Variants in PRKCE observed in about 807,000 individuals in gnomAD.
PRKCE encodes the protein protein kinase C epsilon type.
PRKCE carries 16 observed loss-of-function variants against 85.4 expected under a neutral mutation model. The observed-to-expected ratio is 0.19, with a 90% CI of 0.13 to 0.28. The LOEUF (loss-of-function observed/expected upper bound fraction) is 0.28, where lower values mean the gene tolerates loss of function less well. PRKCE is among the 10% of genes least tolerant of loss of function. The pLI, the probability that PRKCE is intolerant of heterozygous loss-of-function variation, is 1.00. For missense variants in PRKCE, 573 were observed against 975.2 expected (o/e 0.59, Z 5.49); for synonymous variants, 388 against 371.5 (o/e 1.04, Z -0.51).
intron 1 of PRKCE, among the ~76,000 whole-genome samples, chr2:45,769,790 A>C (rs1215137126): frequency 6.6e-6 from 1 of 152,232 alleles, no homozygotes; most frequent in African/African-American, 2.4e-5. Context: ...TAACCTGTGG[A>C]TGTTTAGCCT....
intron 1 of PRKCE, among the ~76,000 whole-genome samples, chr2:45,796,431 T>C (rs931336598): frequency 1.3e-5 from 2 of 152,252 alleles, no homozygotes; most frequent in Admixed American, 1.3e-4. Context: ...ATGAGAACAA[T>C]GCTTGGTGTA....
At position 46,170,543 on chromosome 2, in the gene PRKCE, T is replaced by C. The variant is rs373338467; in HGVS notation, c.2067+10791T>C. ...CATCCCCAGCAGTTAGAACAATTCCTGGCACATAGTAGGTATTCAATCTAT... is the reference window on the plus strand; with the variant it reads ...CATCCCCAGCAGTTAGAACAATTCCCGGCACATAGTAGGTATTCAATCTAT... On this transcript the variant is annotated intron_variant, in intron 14 of 14. Coordinates refer to ENST00000306156, the MANE Select transcript of PRKCE (RefSeq NM_005400.3). Among the ~76,000 whole-genome samples, 7 of 152,376 alleles carry C rather than the reference T, an allele frequency of 4.6e-5. No homozygotes were observed. The East Asian group carries it at 1.2e-3, about 25-fold the overall frequency.
intron 11 of PRKCE, among the ~76,000 whole-genome samples, chr2:46,093,085 T>C (rs1670337662): frequency 6.6e-6 from 1 of 152,192 alleles, no homozygotes; most frequent in Non-Finnish European, 1.5e-5. Context: ...GAGAGCATCG[T>C]TCTTAGCTGT....
intron 2 of PRKCE, among the ~76,000 whole-genome samples, chr2:45,944,357 G>A (rs1288180107): frequency 6.6e-6 from 1 of 152,134 alleles, no homozygotes; most frequent in Non-Finnish European, 1.5e-5. Context: ...ATGCTGTTGA[G>A]CCAGTATAGT....
chr2:45,990,774 G>C (rs1703730688), intron 6 of PRKCE, among the ~76,000 whole-genome samples: 1 of 150,850 alleles, frequency 6.6e-6, no homozygotes, highest in Non-Finnish European at 1.5e-5. Context: ...CAATTCTCCT[G>C]CCTCAGCCTC....
intron 2 of PRKCE, among the ~76,000 whole-genome samples, chr2:45,890,122 T>C (rs1298008071): frequency 6.6e-6 from 1 of 152,246 alleles, no homozygotes; most frequent in East Asian, 1.9e-4. Flanking sequence ...GTGATTAGAC[T>C]CTGAAGGATA....
chr2:45,865,147 G>A (rs1216762465), intron 2 of PRKCE, among the ~76,000 whole-genome samples: 1 of 152,200 alleles, frequency 6.6e-6, no homozygotes, highest in African/African-American at 2.4e-5. Flanking sequence ...CTGAGATTCT[G>A]CTTTTCTAAC....
intron 1 of PRKCE, among the ~76,000 whole-genome samples, chr2:45,821,815 T>C (rs1202121309): frequency 6.6e-6 from 1 of 152,190 alleles, no homozygotes; most frequent in Non-Finnish European, 1.5e-5. Flanking sequence ...CGATGGCAGC[T>C]GTATTGTAGA....
intron 2 of PRKCE, among the ~76,000 whole-genome samples, chr2:45,975,477 T>C (rs1234192632): frequency 6.6e-6 from 1 of 152,082 alleles, no homozygotes; most frequent in African/African-American, 2.4e-5. Flanking sequence ...CTCACTCAGG[T>C]CTCTTCCTCC....
At chr2:46,011,352 C>T (rs1325445052) in intron 10 of PRKCE, among the ~76,000 whole-genome samples, 1 of 152,202 alleles carries the variant, frequency 6.6e-6, no homozygotes, top group Non-Finnish European at 1.5e-5. Flanking sequence ...GTATTCTCAT[C>T]TCCATGTCAT....
At chr2:46,006,246 C>T (rs1705190363) in intron 8 of PRKCE, among the ~76,000 whole-genome samples, 1 of 152,230 alleles carries the variant, frequency 6.6e-6, no homozygotes, top group South Asian at 2.1e-4. Context: ...GCTTTGCTGT[C>T]CCCAAACAAC....
At chr2:46,129,668 G>A (rs930670457) in intron 11 of PRKCE, among the ~76,000 whole-genome samples, 2 of 152,142 alleles carry the variant, frequency 1.3e-5, no homozygotes, top group African/African-American at 4.8e-5. Context: ...TTCTTCCATC[G>A]GGCACTCCAG....
intron 1 of PRKCE, among the ~76,000 whole-genome samples, chr2:45,759,015 G>A (rs1177913629): frequency 2.0e-5 from 3 of 152,142 alleles, no homozygotes; most frequent in Admixed American, 6.5e-5. Flanking sequence ...GAGAGCTTCC[G>A]GGTCATGCCT....
At chr2:45,885,002 T>TATTTTTTTTGTTG (rs1553440407) in intron 2 of PRKCE, among the ~76,000 whole-genome samples, 24 of 97,664 alleles carry the variant, frequency 2.5e-4, no homozygotes, top group Non-Finnish European at 3.6e-4. Flanking sequence ...TATATATATA[T>TATTTTTTTTGTTG]TTGTTGTTGT....
intron 1 of PRKCE, among the ~76,000 whole-genome samples, chr2:45,660,200 T>G (rs955277674): frequency 3.3e-5 from 5 of 152,186 alleles, no homozygotes; most frequent in Non-Finnish European, 7.3e-5. Context: ...GCATGGCATC[T>G]CGATAGAAAC....
At chr2:45,771,559 C>T (rs1260650581) in intron 1 of PRKCE, among the ~76,000 whole-genome samples, 1 of 152,198 alleles carries the variant, frequency 6.6e-6, no homozygotes, top group East Asian at 1.9e-4. Context: ...GGATTTTCCT[C>T]CCTCTGAGAG....
intron 3 of PRKCE, 47 bp downstream of exon 3, chr2:45,976,635 A>G (rs751770301): frequency 6.3e-7 from 1 of 1,584,760 alleles, no homozygotes; most frequent in Non-Finnish European, 8.6e-7. Flanking sequence ...CTCTGTTACA[A>G]GATGTCGGGG....
At chr2:46,172,488 GGCCTGGGCGT>G (rs142143893) in intron 14 of PRKCE, among the ~76,000 whole-genome samples, 10,351 of 145,516 alleles carry the variant, frequency 0.071, 351 homozygotes, top group Non-Finnish European at 0.078. Flanking sequence ...GGCCTGGGCG[GGCCTGGGCGT>G]GCCTGGGCGG....
At chr2:45,710,460 C>T (rs1679528974) in intron 1 of PRKCE, among the ~76,000 whole-genome samples, 1 of 152,238 alleles carries the variant, frequency 6.6e-6, no homozygotes. Context: ...GCTTCTGAAT[C>T]TCAGTCCTAG....
Sources: allele counts gnomAD v4.1 joint callset (sites outside exome capture counted in the v4.1 genomes callset), GRCh38; gene constraint gnomAD v4.1.1; transcripts MANE v1.5; gene names NCBI Gene and HGNC (gene_info 2026-07-23, HGNC 2026-07-21).